The following LUZP2 variants were observed in gnomAD, a reference collection of about 807,000 sequenced individuals.
LUZP2 encodes leucine zipper protein 2.
Under a neutral mutation model 51.6 loss-of-function variants are expected in LUZP2, and 52 were observed. The ratio of observed to expected loss-of-function variants is 1.01; its 90% CI spans 0.81 to 1.27. The LOEUF is 1.27. LUZP2 is among the 50% of genes most tolerant of loss of function. The pLI, the probability that LUZP2 is intolerant of heterozygous loss-of-function variation, is 0.00. For missense variants in LUZP2, 436 were observed against 395.4 expected (o/e 1.10, Z -0.87); for synonymous variants, 154 against 137.3 (o/e 1.12, Z -0.85).
intron 5 of LUZP2, among the ~76,000 whole-genome samples, chr11:24,819,106 T>A (rs1850279484): frequency 6.6e-6 from 1 of 151,994 alleles, no homozygotes; most frequent in Non-Finnish European, 1.5e-5. Flanking sequence ...AGTTGGCGAC[T>A]CTGAGAAAAC....
Position 25,049,002 on chromosome 11 carries a change from T to C in LUZP2, c.766-1036T>C, listed in dbSNP as rs576907647. Among the ~76,000 whole-genome samples the C allele has an allele frequency of 2.0e-5, 3 of 152,292 alleles. No individual in the cohort carries two copies. In the East Asian group the frequency reaches 5.8e-4, roughly 29 times the overall value. On this transcript the variant is annotated intron_variant, in intron 9 of 11. Transcript: ENST00000336930. ...ATATTCTATCAGCTTTATTAACTAT[T>C]CTTGGAGTTTAGTTTTATAAAGATA...
In LUZP2 at chr11:24,614,182, A is replaced by T. The variant is rs545388650; in HGVS notation, c.63-114987A>T. On this transcript the variant is annotated intron_variant, in intron 1 of 11. Coordinates refer to ENST00000336930, the MANE Select transcript of LUZP2 (RefSeq NM_001009909.4). ...AAAAATAGCTAATATACAGCTGTCTAAAAACAAAAATGAAGGAATTATATT... is the reference window on the plus strand; with the variant it reads ...AAAAATAGCTAATATACAGCTGTCTTAAAACAAAAATGAAGGAATTATATT... 2.6e-5 allele frequency among the ~76,000 whole-genome samples: 4 copies of T among 152,112 alleles called. No individual in the cohort carries two copies. The South Asian group carries it at 6.2e-4, about 24-fold the overall frequency.
chr11:24,837,858 A>C (rs4630293), intron 5 of LUZP2, among the ~76,000 whole-genome samples: 114,975 of 151,318 alleles, frequency 0.76, 45,520 homozygotes, highest in East Asian at 0.93. Flanking sequence ...GCTAGTTATC[A>C]CTGTGAATGA....
intron 1 of LUZP2, among the ~76,000 whole-genome samples, chr11:24,658,012 T>A (rs1334688264): frequency 6.6e-6 from 1 of 152,172 alleles, no homozygotes; most frequent in Non-Finnish European, 1.5e-5. Flanking sequence ...AGGTAATTTA[T>A]AGATTCAATG....
At position 24,914,547 on chromosome 11, in the gene LUZP2, C is replaced by T. The variant is rs771898332; in HGVS notation, c.522+9C>T. The T allele has an allele frequency of 1.9e-6, 3 of 1,571,088 alleles. No homozygotes were observed. The highest frequency in any genetic ancestry group is 1.4e-5 in the African/African-American group (1 of 73,014). Reference sequence around the variant, plus strand: ...AGGATTTATTATTTAAGGTGAGTCTCTTTTCTCTCTTTTCCCTGAAACTTG... The same window carrying T: ...AGGATTTATTATTTAAGGTGAGTCTTTTTTCTCTCTTTTCCCTGAAACTTG... On this transcript the variant is annotated intron_variant, in intron 7 of 11. Transcript: ENST00000336930.
intron 1 of LUZP2, among the ~76,000 whole-genome samples, chr11:24,505,442 T>C (rs945787741): frequency 6.6e-6 from 1 of 152,148 alleles, no homozygotes; most frequent in African/African-American, 2.4e-5. Flanking sequence ...TATTTAACAG[T>C]GCCTCTCTCA....
intron 1 of LUZP2, among the ~76,000 whole-genome samples, chr11:24,548,872 G>T (rs926785177): frequency 6.6e-6 from 1 of 151,908 alleles, no homozygotes; most frequent in Non-Finnish European, 1.5e-5. Flanking sequence ...TCTAGAAGTA[G>T]ATGTTTGCTA....
chr11:24,564,699 T>G (rs188922547), intron 1 of LUZP2, among the ~76,000 whole-genome samples: 45 of 152,226 alleles, frequency 3.0e-4, no homozygotes, highest in African/African-American at 9.9e-4. Context: ...AGCTTTGCTT[T>G]TAGGTAACAA....
intron 1 of LUZP2, among the ~76,000 whole-genome samples, chr11:24,602,703 A>T (rs975701089): frequency 6.6e-6 from 1 of 151,622 alleles, no homozygotes; most frequent in Non-Finnish European, 1.5e-5. Flanking sequence ...TATTATTATT[A>T]TATTATTATT....
chr11:24,942,246 A>G (rs913686781), intron 7 of LUZP2, among the ~76,000 whole-genome samples: 2 of 152,176 alleles, frequency 1.3e-5, no homozygotes, highest in Admixed American at 6.6e-5. Flanking sequence ...TAGAATAGTC[A>G]GGGCATATGT....
chr11:24,676,373 G>T (rs564647630), intron 1 of LUZP2, among the ~76,000 whole-genome samples: 1 of 152,220 alleles, frequency 6.6e-6, no homozygotes, highest in East Asian at 1.9e-4. Context: ...CTCTCCTTCA[G>T]CAGGTATTTT....
At chr11:24,805,007 CT>C (rs71044307) in intron 5 of LUZP2, among the ~76,000 whole-genome samples, 43 of 141,550 alleles carry the variant, frequency 3.0e-4, no homozygotes, top group East Asian at 6.3e-4. Context: ...ACCCGGCTAA[CT>C]TTTTTTTTTT....
intron 1 of LUZP2, among the ~76,000 whole-genome samples, chr11:24,673,570 C>T (rs1297858239): frequency 6.6e-6 from 1 of 152,036 alleles, no homozygotes; most frequent in African/African-American, 2.4e-5. Flanking sequence ...TTCTTTTCTT[C>T]CTGAAATTGA....
At chr11:24,574,741 G>C (rs1029586282) in intron 1 of LUZP2, among the ~76,000 whole-genome samples, 1 of 152,042 alleles carries the variant, frequency 6.6e-6, no homozygotes, top group Non-Finnish European at 1.5e-5. Context: ...TCCTCTCACA[G>C]AGACTGGGAG....
intron 7 of LUZP2, among the ~76,000 whole-genome samples, chr11:24,962,366 A>T (rs1031946499): frequency 6.6e-6 from 1 of 152,168 alleles, no homozygotes; most frequent in Non-Finnish European, 1.5e-5. Context: ...GTGTTTTCCA[A>T]CTTGGTTCCA....
intron 1 of LUZP2, among the ~76,000 whole-genome samples, chr11:24,719,513 A>C (rs1055925749): frequency 6.6e-6 from 1 of 152,246 alleles, no homozygotes; most frequent in East Asian, 1.9e-4. Flanking sequence ...CTATCAATGC[A>C]CAATGTAACA....
intron 1 of LUZP2, among the ~76,000 whole-genome samples, chr11:24,522,836 C>T (rs554710585): frequency 6.6e-6 from 1 of 151,990 alleles, no homozygotes; most frequent in Non-Finnish European, 1.5e-5. Context: ...TCTATAATTA[C>T]GATTTGAAGT....
At chr11:24,822,259 T>C (rs1018226060) in intron 5 of LUZP2, among the ~76,000 whole-genome samples, 2 of 152,194 alleles carry the variant, frequency 1.3e-5, no homozygotes, top group Non-Finnish European at 2.9e-5. Flanking sequence ...TATTTATCAC[T>C]GACTGTCATT....
At chr11:24,612,110 A>G (rs1590241078) in intron 1 of LUZP2, among the ~76,000 whole-genome samples, 5 of 152,180 alleles carry the variant, frequency 3.3e-5, no homozygotes, top group African/African-American at 1.2e-4. Context: ...ATGAAGCTAG[A>G]AAAATATATT....
Sources: gnomAD v4.1 joint callset for allele counts (sites outside exome capture counted in the v4.1 genomes callset) on GRCh38, gnomAD v4.1.1 for gene constraint, MANE v1.5 for transcripts, NCBI Gene and HGNC (gene_info 2026-07-23, HGNC 2026-07-21) for gene names.